The following SHROOM2 variants were observed in gnomAD, a reference collection of about 807,000 sequenced individuals.
SHROOM2 encodes the protein shroom family member 2.
SHROOM2 carries 33 observed loss-of-function variants against 75.9 expected under a neutral mutation model. The ratio of observed to expected loss-of-function variants is 0.43; its 90% CI spans 0.33 to 0.58. The LOEUF (loss-of-function observed/expected upper bound fraction) is 0.58, where lower values mean the gene tolerates loss of function less well. SHROOM2 is among the 20% of genes least tolerant of loss of function. SHROOM2 has a pLI of 0.04. For missense variants in SHROOM2, 1,434 were observed against 1,461.2 expected, an observed-to-expected ratio of 0.98 and a Z score of 0.30; for synonymous variants, 655 against 663.6, an observed-to-expected ratio of 0.99 and a Z score of 0.20.
chrX:9,789,676 A>G (rs1171679347), intron 1 of SHROOM2, among the ~76,000 whole-genome samples: 1 of 111,076 alleles, frequency 9.0e-6, no homozygotes, highest in Non-Finnish European at 1.9e-5. Context: ...GGGATTCATG[A>G]GGAAGCGTTA....
intron 1 of SHROOM2, among the ~76,000 whole-genome samples, chrX:9,816,742 C>T (rs1419062101): frequency 3.6e-5 from 4 of 110,943 alleles, no homozygotes; most frequent in Non-Finnish European, 3.8e-5. Context: ...GGTGTCCCCC[C>T]TTAGACATGA....
intron 1 of SHROOM2, among the ~76,000 whole-genome samples, chrX:9,800,089 T>G (rs1206616621): frequency 9.0e-6 from 1 of 111,535 alleles, no homozygotes; most frequent in Non-Finnish European, 1.9e-5. Context: ...ATACGGGGTG[T>G]GCATTGCTTT....
chrX:9,875,110 A>AAAAAAAAAAG lies in SHROOM2; in HGVS notation c.317+1307_317+1308insAAAAAAAAAG, dbSNP rs2084192753. ...AAAAAAAAAAAAAAAAAAAAAAAAAAGGGGAGGAAGGAAAAACATTTTTTG... is the reference window on the plus strand; with the variant it reads ...AAAAAAAAAAAAAAAAAAAAAAAAAAAAAAAAAAAGGGGGAGGAAGGAAAAACATTTTTTG... On this transcript the variant is annotated intron_variant, in intron 2 of 9. Coordinates refer to ENST00000380913, the MANE Select transcript of SHROOM2 (RefSeq NM_001649.4). 2.6e-3 allele frequency among the ~76,000 whole-genome samples: 246 copies of AAAAAAAAAAG among 93,099 alleles called. 7 individuals are homozygous for AAAAAAAAAAG. Among genetic ancestry groups the AAAAAAAAAAG allele is most frequent in the African/African-American group, 9.5e-3 (233 of 24,473 alleles). The allele number at this position is 93,099 out of a possible 115,157, so 80.8% of individuals were successfully genotyped here. A position where few individuals can be genotyped will look rare whatever the true frequency, so the allele number is the denominator to read the frequency against.
At chrX:9,826,049 A>G (rs1248459636) in intron 1 of SHROOM2, among the ~76,000 whole-genome samples, 1 of 112,388 alleles carries the variant, frequency 8.9e-6, no homozygotes, top group Admixed American at 9.4e-5. Context: ...TGCAAATGTG[A>G]TAGTCCCCAC....
chrX:9,945,229 T>C (rs1293761387), intron 9 of SHROOM2, among the ~76,000 whole-genome samples: 1 of 110,796 alleles, frequency 9.0e-6, no homozygotes, highest in Non-Finnish European at 1.9e-5. Context: ...CCACCTCAGC[T>C]TCCCGGGTAG....
intron 2 of SHROOM2, among the ~76,000 whole-genome samples, chrX:9,876,524 T>C (rs1003330520): frequency 8.9e-6 from 1 of 112,307 alleles, no homozygotes; most frequent in Non-Finnish European, 1.9e-5. Context: ...CTGCCTTCTG[T>C]CTCTATGGAT....
chrX:9,895,842 G>T lies in SHROOM2; in HGVS notation c.1934G>T (p.Arg645Leu), dbSNP rs200488769. The T allele has an allele frequency of 8.3e-7, 1 of 1,202,847 alleles. No homozygotes were observed. The highest frequency in any genetic ancestry group is 1.8e-5 in the South Asian group (1 of 55,687). The change falls in exon 4 of 10, where the codon CGG becomes CTG. Residue 645 changes from arginine to leucine, a missense_variant. Physicochemically the swap from Arg to Leu is moderately radical, Grantham distance 102 (BLOSUM62 -2). Around this residue, in one of 3 missense-constraint regions of SHROOM2, gnomAD observed 1,340 missense variants for 1,338.3 expected, o/e 1.00. Coordinates refer to ENST00000380913, the MANE Select transcript of SHROOM2 (RefSeq NM_001649.4). ...QMHRAKLQKS[R>L]STVALTAAGE... ...CATAGAGCCAAGCTGCAGAAGAGCC[G>T]GAGCACAGTGGCTCTGACTGCAGCA...
intron 5 of SHROOM2, among the ~76,000 whole-genome samples, chrX:9,903,464 A>G (rs891283722): frequency 1.3e-4 from 15 of 112,361 alleles, no homozygotes; most frequent in Non-Finnish European, 1.7e-4. Flanking sequence ...CGGATGTAAC[A>G]CCCTCACCCC....
chrX:9,880,276 GC>G (rs771138628), intron 2 of SHROOM2, among the ~76,000 whole-genome samples: 1 of 112,747 alleles, frequency 8.9e-6, no homozygotes, highest in Non-Finnish European at 1.9e-5. Flanking sequence ...TGTGCCACTC[GC>G]CCTTGCAGTC....
chrX:9,821,610 T>C (rs1299036372), intron 1 of SHROOM2, among the ~76,000 whole-genome samples: 2 of 112,466 alleles, frequency 1.8e-5, no homozygotes, highest in African/African-American at 6.5e-5. Flanking sequence ...TAATAAATAT[T>C]GCACCCCACC....
In SHROOM2 at chrX:9,946,898, G is replaced by C; in HGVS notation, c.4812G>C (p.Lys1604Asn). The change falls in exon 10 of 10, where the codon AAG becomes AAC. Residue 1604 changes from lysine to asparagine, a missense_variant. Physicochemically the swap from Lys to Asn is moderately conservative, Grantham distance 94. Coordinates refer to ENST00000380913, the MANE Select transcript of SHROOM2 (RefSeq NM_001649.4). ...TCCACCTTGGTGAAGAGCAGCTGAA[G>C]TGCTTATTGGACAGCCTTCAGCCCG... ...DKIHLGEEQL[K>N]CLLDSLQPER... 1 of 1,197,518 alleles carries C rather than the reference G, an allele frequency of 8.4e-7. No individual in the cohort carries two copies. Among genetic ancestry groups the C allele is most frequent in the Non-Finnish European group, 1.1e-6 (1 of 887,916 alleles).
At chrX:9,801,138 G>A (rs1222839118) in intron 1 of SHROOM2, among the ~76,000 whole-genome samples, 1 of 111,754 alleles carries the variant, frequency 8.9e-6, no homozygotes, top group Non-Finnish European at 1.9e-5. Context: ...TTACATGGCA[G>A]CAGGCAAGAG....
At chrX:9,805,697 A>T (rs1298060663) in intron 1 of SHROOM2, among the ~76,000 whole-genome samples, 2 of 111,576 alleles carry the variant, frequency 1.8e-5, no homozygotes, top group Non-Finnish European at 3.8e-5. Flanking sequence ...GAAGTCAGGG[A>T]TGGAGGCCAA....
intron 1 of SHROOM2, among the ~76,000 whole-genome samples, chrX:9,867,594 G>A (rs748569875): frequency 1.4e-4 from 15 of 111,038 alleles, no homozygotes; most frequent in African/African-American, 2.3e-4. Flanking sequence ...TCACGCATGC[G>A]GCACCTTCCC....
chrX:9,919,035 C>A (rs1477150092), intron 5 of SHROOM2, among the ~76,000 whole-genome samples: 1 of 112,177 alleles, frequency 8.9e-6, no homozygotes, highest in African/African-American at 3.2e-5. Context: ...CTTCTCTCTT[C>A]CCTCCTCCCT....
intron 8 of SHROOM2, among the ~76,000 whole-genome samples, chrX:9,944,090 G>A (rs886585783): frequency 8.1e-5 from 9 of 111,329 alleles, no homozygotes; most frequent in Non-Finnish European, 1.5e-4. Context: ...GCTGAGGCAC[G>A]AGAATTGCTT....
chrX:9,850,368 A>G (rs1018086378), intron 1 of SHROOM2, among the ~76,000 whole-genome samples: 3 of 112,175 alleles, frequency 2.7e-5, no homozygotes, highest in Non-Finnish European at 3.8e-5. Context: ...CAGCTTTGGT[A>G]TAGTCACTTC....
chrX:9,823,075 CCT>C (rs2083865659), intron 1 of SHROOM2, among the ~76,000 whole-genome samples: 2 of 66,938 alleles, frequency 3.0e-5, no homozygotes, highest in African/African-American at 6.0e-5. Context: ...CCTCCTCCTC[CCT>C]TCTCCCTTCT....
chrX:9,925,299 C>T (rs2084583869), intron 5 of SHROOM2, among the ~76,000 whole-genome samples: 4 of 112,387 alleles, frequency 3.6e-5, no homozygotes, highest in African/African-American at 1.3e-4. Context: ...CTGCCTGACC[C>T]GCATTCTGAG....
Sources: gnomAD v4.1 joint callset for allele counts (sites outside exome capture counted in the v4.1 genomes callset) on GRCh38, gnomAD v4.1.1 for gene constraint, gnomAD v4.1.1 regional missense constraint, MANE v1.5 for transcripts, NCBI Gene and HGNC (gene_info 2026-07-23, HGNC 2026-07-21) for gene names.